Variants in PRKD1 observed in about 807,000 individuals in gnomAD.
PRKD1 encodes the protein serine/threonine-protein kinase D1.
In PRKD1, 63 loss-of-function variants were observed where a neutral mutation model predicts 95.9. The ratio of observed to expected loss-of-function variants is 0.66; its 90% CI spans 0.54 to 0.81. The LOEUF (loss-of-function observed/expected upper bound fraction) is 0.81, where lower values mean the gene tolerates loss of function less well. Ranked by LOEUF, PRKD1 falls within the 30% of genes least tolerant of loss-of-function variation. The pLI, the probability that PRKD1 is intolerant of heterozygous loss-of-function variation, is 0.00. For synonymous variants in PRKD1, 425 were observed against 423.1 expected, an observed-to-expected ratio of 1.00 and a Z score of -0.05; for missense variants, 1,048 against 1,165.3, an observed-to-expected ratio of 0.90 and a Z score of 1.47.
rs113790284 is a variant in PRKD1, at chr14:29,606,098, C to A, written c.1906-6281G>T. Among the ~76,000 whole-genome samples the A allele has an allele frequency of 4.9e-3, 741 of 152,234 alleles. 8 individuals carry two copies. The highest frequency in any genetic ancestry group is 0.017 in the African/African-American group (689 of 41,538). On this transcript the variant is annotated intron_variant, in intron 13 of 17. Coordinates refer to ENST00000331968, the MANE Select transcript of PRKD1 (RefSeq NM_002742.3). The stretch of plus-strand genomic sequence containing the variant: ...TGCAGTCTCAGTTCACTACAGCCTC[C>A]CCCTCTCGGGTTCAAGAGATTATTC...
At chr14:29,834,221 C>T (rs1566626993) in intron 1 of PRKD1, among the ~76,000 whole-genome samples, 1 of 152,074 alleles carries the variant, frequency 6.6e-6, no homozygotes. Context: ...GTTAGCCATT[C>T]ATTGTTTTAG....
chr14:29,656,045 G>C (rs1451574215), intron 4 of PRKD1, among the ~76,000 whole-genome samples: 1 of 152,068 alleles, frequency 6.6e-6, no homozygotes, highest in Non-Finnish European at 1.5e-5. Context: ...GCATGCCTCT[G>C]TGGTACCTGG....
At chr14:29,589,517 T>C (rs1893052040) in intron 16 of PRKD1, among the ~76,000 whole-genome samples, 1 of 152,216 alleles carries the variant, frequency 6.6e-6, no homozygotes, top group Admixed American at 6.5e-5. Context: ...GTGGACATGA[T>C]AGTTGAGTGA....
intron 1 of PRKD1, among the ~76,000 whole-genome samples, chr14:29,727,028 GCTC>G (rs555434228): frequency 9.2e-5 from 14 of 152,254 alleles, no homozygotes; most frequent in Non-Finnish European, 1.9e-4. Context: ...GTGTAAAAGT[GCTC>G]CTGTTTCTCC....
chr14:29,609,490 T>TTGTGTGTG (rs147951504), intron 13 of PRKD1, among the ~76,000 whole-genome samples: 21 of 132,778 alleles, frequency 1.6e-4, no homozygotes, highest in Non-Finnish European at 2.1e-4. Flanking sequence ...ACTAATCTAT[T>TTGTGTGTG]TGTGTGTGTG....
intron 10 of PRKD1, chr14:29,630,498 T>G (rs766237040): frequency 4.3e-5 from 22 of 512,346 alleles, no homozygotes; most frequent in African/African-American, 3.6e-4. Flanking sequence ...TAATACATAG[T>G]GTTTACCTGA....
At chr14:29,800,855 C>T (rs1209133872) in intron 1 of PRKD1, among the ~76,000 whole-genome samples, 2 of 152,120 alleles carry the variant, frequency 1.3e-5, no homozygotes, top group Non-Finnish European at 2.9e-5. Flanking sequence ...TCTAGCTCCA[C>T]ACTTGGTCCC....
At chr14:29,611,396 G>C (rs1043382462) in intron 13 of PRKD1, among the ~76,000 whole-genome samples, 5 of 151,974 alleles carry the variant, frequency 3.3e-5, no homozygotes, top group African/African-American at 1.2e-4. Context: ...CCCATCATCT[G>C]GGCTCATACA....
chr14:29,654,514 T>A (rs886654553), intron 4 of PRKD1, among the ~76,000 whole-genome samples: 1 of 152,128 alleles, frequency 6.6e-6, no homozygotes, highest in Non-Finnish European at 1.5e-5. Context: ...CTTTTACAAA[T>A]ACGCAAAAAA....
intron 7 of PRKD1, among the ~76,000 whole-genome samples, 178 bp from the exon 8 acceptor site, chr14:29,634,719 T>C (rs1363902230): frequency 1.3e-5 from 2 of 152,120 alleles, no homozygotes; most frequent in East Asian, 1.9e-4. Flanking sequence ...TGAAGAGTGA[T>C]AGGCACGTTG....
intron 16 of PRKD1, among the ~76,000 whole-genome samples, chr14:29,579,977 T>C (rs1348463310): frequency 1.3e-5 from 2 of 152,164 alleles, no homozygotes; most frequent in African/African-American, 4.8e-5. Context: ...GTGAGTAAAG[T>C]GCACCTTCCA....
At chr14:29,832,328 T>C (rs1566625962) in intron 1 of PRKD1, among the ~76,000 whole-genome samples, 1 of 152,208 alleles carries the variant, frequency 6.6e-6, no homozygotes, top group Non-Finnish European at 1.5e-5. Flanking sequence ...CACAAGCATG[T>C]TAATTTAATT....
intron 9 of PRKD1, among the ~76,000 whole-genome samples, chr14:29,631,796 T>TTTTATTTA (rs58611172): frequency 0.35 from 49,371 of 140,848 alleles, 9,839 homozygotes; most frequent in African/African-American, 0.58. Context: ...GCGCCTGGCC[T>TTTTATTTA]TTTATTTATT....
intron 1 of PRKD1, among the ~76,000 whole-genome samples, chr14:29,736,298 T>C (rs1886709889): frequency 1.3e-5 from 2 of 152,222 alleles, no homozygotes; most frequent in African/African-American, 4.8e-5. Context: ...AACATAACAT[T>C]CTGCCTAAAT....
chr14:29,627,839 C>T (rs45532441), intron 11 of PRKD1, among the ~76,000 whole-genome samples: 22,342 of 152,140 alleles, frequency 0.15, 1,710 homozygotes, highest in Non-Finnish European at 0.16. Context: ...AGGATGAGTT[C>T]AACGCTGTCT....
intron 1 of PRKD1, among the ~76,000 whole-genome samples, chr14:29,924,009 A>G (rs1157621607): frequency 6.6e-6 from 1 of 152,098 alleles, no homozygotes; most frequent in Non-Finnish European, 1.5e-5. Context: ...AATGATTGTT[A>G]TTATTTTTTA....
chr14:29,642,204 G>A (rs1050805994), intron 4 of PRKD1, among the ~76,000 whole-genome samples: 1 of 151,996 alleles, frequency 6.6e-6, no homozygotes, highest in South Asian at 2.1e-4. Flanking sequence ...GCGCCTGGCC[G>A]GCAAAAGTAT....
intron 1 of PRKD1, among the ~76,000 whole-genome samples, chr14:29,754,615 T>C (rs1012222335): frequency 6.6e-6 from 1 of 152,168 alleles, no homozygotes; most frequent in Non-Finnish European, 1.5e-5. Flanking sequence ...TAACTCTTTA[T>C]CATATATAAA....
intron 4 of PRKD1, among the ~76,000 whole-genome samples, chr14:29,646,752 GAA>G (rs368156410): frequency 3.3e-5 from 4 of 122,942 alleles, no homozygotes; most frequent in South Asian, 2.4e-4. Context: ...AACAAAAAAC[GAA>G]AAAAAAAAAA....
Sources: allele counts gnomAD v4.1 joint callset (sites outside exome capture counted in the v4.1 genomes callset), GRCh38; gene constraint gnomAD v4.1.1; transcripts MANE v1.5; gene names NCBI Gene and HGNC (gene_info 2026-07-23, HGNC 2026-07-21).